SGMS2: variants seen among roughly 807,000 people sequenced by gnomAD.
The protein encoded by SGMS2 is sphingomyelin synthase 2, also known as phosphatidylcholine:ceramide cholinephosphotransferase 2.
Under a neutral mutation model 43.8 loss-of-function variants are expected in SGMS2, and 21 were observed. The observed-to-expected ratio is 0.48, with a 90% CI of 0.34 to 0.69. The LOEUF (loss-of-function observed/expected upper bound fraction) is 0.69, where lower values mean the gene tolerates loss of function less well. Ranked by LOEUF, SGMS2 falls within the 30% of genes least tolerant of loss-of-function variation. SGMS2 has a pLI of 0.01. For synonymous variants in SGMS2, 167 were observed against 160.6 expected, an observed-to-expected ratio of 1.04 and a Z score of -0.30; for missense variants, 384 against 443.2, an observed-to-expected ratio of 0.87 and a Z score of 1.20.
At chr4:107,908,807 G>T in intron 6 of SGMS2, 76 bp downstream of exon 6, 3 of 1,365,822 alleles carry the variant, frequency 2.2e-6, no homozygotes, top group Non-Finnish European at 3.1e-6. Context: ...TGGGGTTTTA[G>T]ATAGCCTAAT....
intron 2 of SGMS2, among the ~76,000 whole-genome samples, chr4:107,889,480 G>A (rs1271074344): frequency 6.6e-6 from 1 of 152,118 alleles, no homozygotes; most frequent in Non-Finnish European, 1.5e-5. Context: ...ACTTGAAAAA[G>A]CATTTGATTA....
At chr4:107,838,732 A>G (rs1376610899) in intron 1 of SGMS2, among the ~76,000 whole-genome samples, 2 of 151,550 alleles carry the variant, frequency 1.3e-5, no homozygotes, top group African/African-American at 4.9e-5. Flanking sequence ...AGTATTTCCT[A>G]GCATGGTGCC....
chr4:107,901,963 A>G (rs564904690), intron 4 of SGMS2, among the ~76,000 whole-genome samples: 5 of 151,336 alleles, frequency 3.3e-5, no homozygotes, highest in Middle Eastern at 3.4e-3. Context: ...CTAGAGTGCA[A>G]TGGCGCAATC....
chr4:107,849,050 T>A (rs574726929), intron 1 of SGMS2, among the ~76,000 whole-genome samples: 1 of 152,230 alleles, frequency 6.6e-6, no homozygotes, highest in Admixed American at 6.5e-5. Flanking sequence ...GGAAGTCGGG[T>A]TGTTCAGCAC....
chr4:107,893,169 A>G (rs899150848), intron 2 of SGMS2: 2 of 149,628 alleles, frequency 1.3e-5, no homozygotes, highest in Non-Finnish European at 3.0e-5. Flanking sequence ...GTCCTCTTGG[A>G]AAAAAAAAAG....
intron 2 of SGMS2, among the ~76,000 whole-genome samples, chr4:107,861,783 A>T (rs1262902604): frequency 6.6e-6 from 1 of 152,252 alleles, no homozygotes; most frequent in African/African-American, 2.4e-5. Flanking sequence ...AAAGTGAAGT[A>T]ATTCATATCT....
At chr4:107,908,503 A>T in intron 5 of SGMS2, 62 bp from the exon 6 acceptor site, 1 of 1,514,548 alleles carries the variant, frequency 6.6e-7, no homozygotes, top group Non-Finnish European at 9.0e-7. Context: ...GTTAGGACAG[A>T]CTGTAATCAT....
In SGMS2 at chr4:107,867,936, T is replaced by C. The variant is rs564411459; in HGVS notation, c.-245+9383T>C. The C allele has an allele frequency of 5.2e-4, 79 of 152,314 alleles. 1 individual carries two copies. Among genetic ancestry groups the C allele is most frequent in the African/African-American group, 1.8e-3 (75 of 41,574 alleles). The allele number at this position is 152,314 out of a possible 1,614,324, so 9.4% of individuals were successfully genotyped here. A position where few individuals can be genotyped will look rare whatever the true frequency, so the allele number is the denominator to read the frequency against. On this transcript the variant is annotated intron_variant, in intron 2 of 6. Transcript: ENST00000690982. ...AGGCTATATAAATTTAAATCATTAA[T>C]AGGATACATAGTCAAAATTTTTAAA... is the stretch of plus-strand genomic sequence containing the variant.
chr4:107,878,824 A>T (rs1385820777), intron 2 of SGMS2, among the ~76,000 whole-genome samples: 1 of 152,190 alleles, frequency 6.6e-6, no homozygotes, highest in Non-Finnish European at 1.5e-5. Flanking sequence ...AAAGCCTCAC[A>T]GCTAGGAAAT....
intron 1 of SGMS2, among the ~76,000 whole-genome samples, chr4:107,850,171 TC>T (rs1297050231): frequency 6.6e-6 from 1 of 152,176 alleles, no homozygotes; most frequent in East Asian, 1.9e-4. Context: ...TGCTTGCTCT[TC>T]CTTTACCTTC....
chr4:107,903,544 C>T lies in SGMS2; in HGVS notation c.727+158C>T, dbSNP rs565262246. Among the ~76,000 whole-genome samples, 435 of 151,608 alleles carry T rather than the reference C, an allele frequency of 2.9e-3. 2 individuals are homozygous for T. The highest frequency in any genetic ancestry group is 4.4e-3 in the Non-Finnish European group (298 of 67,796). On this transcript the variant is annotated intron_variant, in intron 5 of 6. Transcript: ENST00000690982. ...ATGTGAATGTGAATGTGTGTGTGTGCGTGTGTGTCTGTATATATATAAAAT... is the reference window on the plus strand; with the variant it reads ...ATGTGAATGTGAATGTGTGTGTGTGTGTGTGTGTCTGTATATATATAAAAT...
intron 2 of SGMS2, among the ~76,000 whole-genome samples, chr4:107,884,885 T>A (rs571194090): frequency 1.3e-5 from 2 of 152,232 alleles, no homozygotes; most frequent in Non-Finnish European, 2.9e-5. Context: ...TGGGTGTGCA[T>A]CCTCAACCTT....
In SGMS2 at chr4:107,895,947, G is replaced by T. The variant is rs199996813; in HGVS notation, c.394G>T (p.Glu132Ter). 1.1e-5 allele frequency: 17 copies of T among 1,613,918 alleles called. No homozygotes were observed. Among genetic ancestry groups the T allele is most frequent in the Non-Finnish European group, 1.4e-5 (16 of 1,179,896 alleles). Residue 132 changes from glutamate to a stop codon, truncating the protein, a stop_gained, in exon 3 of 7, where the codon GAA becomes TAA. Coordinates refer to ENST00000690982, the MANE Select transcript of SGMS2 (RefSeq NM_001375905.1). LOFTEE classifies it high-confidence loss of function. Reference protein sequence around the residue: ...DRVKWAFSVSEINGIILVGLW... With the variant: ...DRVKWAFSVS ...GGTGAAATGGGCATTTTCTGTATCA[G>T]AAATAAATGGGATTATATTAGTTGG...
At chr4:107,852,916 A>G (rs191540718) in intron 1 of SGMS2, among the ~76,000 whole-genome samples, 1 of 152,314 alleles carries the variant, frequency 6.6e-6, no homozygotes, top group East Asian at 1.9e-4. Context: ...TAATATGTAG[A>G]AAAATGGTAT....
At chr4:107,880,931 G>C (rs1260494616) in intron 2 of SGMS2, among the ~76,000 whole-genome samples, 1 of 151,780 alleles carries the variant, frequency 6.6e-6, no homozygotes. Flanking sequence ...AAACTTTATG[G>C]GCATGAGATT....
intron 2 of SGMS2, among the ~76,000 whole-genome samples, chr4:107,881,113 T>C (rs984730582): frequency 1.3e-5 from 2 of 152,096 alleles, no homozygotes; most frequent in Non-Finnish European, 2.9e-5. Context: ...ATAAGTTAAA[T>C]TTTTTTCTAA....
At chr4:107,837,187 C>T (rs1726235223) in intron 1 of SGMS2, among the ~76,000 whole-genome samples, 1 of 152,092 alleles carries the variant, frequency 6.6e-6, no homozygotes, top group African/African-American at 2.4e-5. Flanking sequence ...GTCTAGGTTT[C>T]TCCTCCAATG....
At chr4:107,865,116 G>A (rs7678010) in intron 2 of SGMS2, among the ~76,000 whole-genome samples, 82,561 of 152,014 alleles carry the variant, frequency 0.54, 23,396 homozygotes, top group African/African-American at 0.67. Context: ...TAGAATTCAC[G>A]TTGTTTATAT....
Position 107,895,993 on chromosome 4 carries a change from TG to T in SGMS2, c.441del (p.Leu149Ter), listed in dbSNP as rs1730633933. The T allele has an allele frequency of 2.5e-6, 4 of 1,609,472 alleles. No individual in the cohort carries two copies. Among genetic ancestry groups the T allele is most frequent in the African/African-American group, 1.3e-5 (1 of 74,756 alleles). Reference sequence around the variant, plus strand: ...GTTGGATTATGGATCACCCAGTGGCTGTTTCTGAGATACAAGTAAGTAAATC... The same window carrying T: ...GTTGGATTATGGATCACCCAGTGGCTTTTCTGAGATACAAGTAAGTAAATC... The part of the protein sequence containing the change: ...ILVGLWITQW[L>X]FLRYKSIVGR... On this transcript the variant is annotated frameshift_variant, in exon 3 of 7. Coordinates refer to ENST00000690982, the MANE Select transcript of SGMS2 (RefSeq NM_001375905.1). LOFTEE classifies it high-confidence loss of function.
Sources: allele counts gnomAD v4.1 joint callset (sites outside exome capture counted in the v4.1 genomes callset), GRCh38; gene constraint gnomAD v4.1.1; transcripts MANE v1.5; gene names NCBI Gene and HGNC (gene_info 2026-07-23, HGNC 2026-07-21).